Variants in BABAM2 observed in about 807,000 individuals in gnomAD.
The protein encoded by BABAM2 is BRISC and BRCA1 A complex member 2, also known as BRISC and BRCA1-A complex member 2.
Under a neutral mutation model 54.7 loss-of-function variants are expected in BABAM2, and 31 were observed. That is an observed-to-expected ratio of 0.57 (90% CI 0.43 to 0.77). The LOEUF is 0.77. Among genes scored for constraint, BABAM2 ranks in the 30% least tolerant of loss-of-function variants. BABAM2 has a pLI of 0.00. For missense variants in BABAM2, 364 were observed against 455.8 expected (o/e 0.80, Z 1.83); for synonymous variants, 167 against 162.9 (o/e 1.03, Z -0.19).
chr2:28,208,265 G>C (rs1573845743), intron 7 of BABAM2, among the ~76,000 whole-genome samples: 1 of 152,204 alleles, frequency 6.6e-6, no homozygotes, highest in Admixed American at 6.5e-5. Context: ...TGTTGTGTCT[G>C]TATCAGGCTG....
intron 7 of BABAM2, among the ~76,000 whole-genome samples, chr2:28,213,673 TA>T (rs1019599536): frequency 6.6e-6 from 1 of 152,130 alleles, no homozygotes; most frequent in Admixed American, 6.5e-5. Flanking sequence ...ATTATAGGAT[TA>T]AAAAATAGTA....
chr2:28,205,358 C>G (rs1006702920), intron 7 of BABAM2, among the ~76,000 whole-genome samples: 1 of 151,984 alleles, frequency 6.6e-6, no homozygotes, highest in South Asian at 2.1e-4. Flanking sequence ...AAAAAATTAG[C>G]TGGGCATGAT....
At chr2:28,218,906 A>G (rs553043415) in intron 7 of BABAM2, among the ~76,000 whole-genome samples, 5 of 152,288 alleles carry the variant, frequency 3.3e-5, no homozygotes, top group South Asian at 4.2e-4. Context: ...GTTTTATTCA[A>G]TGGGACACAC....
intron 7 of BABAM2, among the ~76,000 whole-genome samples, chr2:28,204,737 T>G (rs1472081569): frequency 6.6e-6 from 1 of 152,184 alleles, no homozygotes; most frequent in Non-Finnish European, 1.5e-5. Context: ...TTCTAAGAGA[T>G]GTACATTTAT....
chr2:28,052,627 C>A (rs116096612), intron 6 of BABAM2, among the ~76,000 whole-genome samples: 1 of 152,010 alleles, frequency 6.6e-6, no homozygotes, highest in Non-Finnish European at 1.5e-5. Flanking sequence ...TGTTTTAATT[C>A]GTGATATGCT....
At chr2:27,928,856 C>A (rs899095170) in intron 2 of BABAM2, among the ~76,000 whole-genome samples, 1 of 151,518 alleles carries the variant, frequency 6.6e-6, no homozygotes, top group African/African-American at 2.4e-5. Flanking sequence ...TAAAAATTAT[C>A]TTGTACAGCA....
At chr2:28,079,577 A>G (rs1224625429) in intron 6 of BABAM2, among the ~76,000 whole-genome samples, 1 of 152,186 alleles carries the variant, frequency 6.6e-6, no homozygotes, top group African/African-American at 2.4e-5. Context: ...CACTGTTCAA[A>G]TACAATGGTC....
At chr2:27,941,564 A>C (rs1166117845) in intron 3 of BABAM2, among the ~76,000 whole-genome samples, 1 of 152,160 alleles carries the variant, frequency 6.6e-6, no homozygotes, top group Admixed American at 6.5e-5. Flanking sequence ...TCAAAAAAAA[A>C]AAAAGAGCAA....
At chr2:28,336,378 T>C (rs1265836265) in intron 11 of BABAM2, among the ~76,000 whole-genome samples, 1 of 152,128 alleles carries the variant, frequency 6.6e-6, no homozygotes, top group African/African-American at 2.4e-5. Flanking sequence ...AAAACATCCA[T>C]TTGGAACACT....
At chr2:28,067,081 G>GCACA in intron 6 of BABAM2, among the ~76,000 whole-genome samples, 1 of 152,150 alleles carries the variant, frequency 6.6e-6, no homozygotes, top group Non-Finnish European at 1.5e-5. Context: ...ACAGGCATGT[G>GCACA]CCACCACGCC....
chr2:28,212,580 A>C (rs1025615124), intron 7 of BABAM2, among the ~76,000 whole-genome samples: 5 of 152,164 alleles, frequency 3.3e-5, no homozygotes, highest in African/African-American at 1.2e-4. Flanking sequence ...TTTCTAGTTT[A>C]TCTTTAGCAT....
At chr2:28,125,538 C>T (rs954111316) in intron 6 of BABAM2, among the ~76,000 whole-genome samples, 42 of 152,160 alleles carry the variant, frequency 2.8e-4, no homozygotes, top group Admixed American at 6.5e-5. Flanking sequence ...GGTAATCCAC[C>T]CACCTCGGCC....
chr2:27,970,533 A>C (rs978006793), intron 3 of BABAM2, among the ~76,000 whole-genome samples: 1 of 152,144 alleles, frequency 6.6e-6, no homozygotes, highest in African/African-American at 2.4e-5. Flanking sequence ...GTAAGTTGCA[A>C]ATATTTTCAT....
chr2:27,923,957 A>G (rs1667503470), intron 2 of BABAM2, among the ~76,000 whole-genome samples: 1 of 152,118 alleles, frequency 6.6e-6, no homozygotes, highest in Non-Finnish European at 1.5e-5. Flanking sequence ...GGGTGACAGC[A>G]AGACCGTGTT....
At chr2:28,284,923 T>C (rs931757666) in intron 10 of BABAM2, among the ~76,000 whole-genome samples, 1 of 152,200 alleles carries the variant, frequency 6.6e-6, no homozygotes, top group African/African-American at 2.4e-5. Context: ...ATATATTCAT[T>C]ATACCATGTA....
At chr2:28,135,498 G>A (rs185577027) in intron 7 of BABAM2, among the ~76,000 whole-genome samples, 3 of 151,978 alleles carry the variant, frequency 2.0e-5, no homozygotes, top group Admixed American at 6.5e-5. Context: ...GCCTGTTTGT[G>A]GATGACACCC....
chr2:28,333,722 A>G (rs1335691431), intron 11 of BABAM2, among the ~76,000 whole-genome samples: 1 of 152,222 alleles, frequency 6.6e-6, no homozygotes, highest in Non-Finnish European at 1.5e-5. Context: ...TACAGTGTGC[A>G]TTCAGTGAGG....
intron 4 of BABAM2, among the ~76,000 whole-genome samples, chr2:28,007,641 A>G (rs1674070950): frequency 6.6e-6 from 1 of 152,122 alleles, no homozygotes; most frequent in Non-Finnish European, 1.5e-5. Flanking sequence ...CTGGGAACTG[A>G]TTTAATGTGC....
chr2:27,944,089 A>G (rs548256737), intron 3 of BABAM2, among the ~76,000 whole-genome samples: 56 of 152,310 alleles, frequency 3.7e-4, no homozygotes, highest in Admixed American at 1.3e-3. Flanking sequence ...ATAGTTTATT[A>G]AAAATGACTG....
Sources: allele counts gnomAD v4.1 joint callset (sites outside exome capture counted in the v4.1 genomes callset), GRCh38; gene constraint gnomAD v4.1.1; transcripts MANE v1.5; gene names NCBI Gene and HGNC (gene_info 2026-07-23, HGNC 2026-07-21).